MDGA2: variants seen among roughly 807,000 people sequenced by gnomAD.
MDGA2 encodes the protein MAM domain containing glycosylphosphatidylinositol anchor 2, also known as MAM domain-containing glycosylphosphatidylinositol anchor protein 2.
Under a neutral mutation model 117.8 loss-of-function variants are expected in MDGA2, and 40 were observed. That is an observed-to-expected ratio of 0.34 (90% CI 0.26 to 0.44). The LOEUF is 0.44. Among genes scored for constraint, MDGA2 ranks in the 20% least tolerant of loss-of-function variants. The probability of loss-of-function intolerance (pLI) is 1.00; values close to 1 mark genes in which losing one functional copy is unlikely to be tolerated. For missense variants in MDGA2, 1,123 were observed against 1,250.6 expected, an observed-to-expected ratio of 0.90 and a Z score of 1.54; for synonymous variants, 452 against 439.0, an observed-to-expected ratio of 1.03 and a Z score of -0.37.
At chr14:47,000,405 ATATT>A (rs1212993970) in intron 8 of MDGA2, among the ~76,000 whole-genome samples, 1 of 138,940 alleles carries the variant, frequency 7.2e-6, no homozygotes, top group Non-Finnish European at 1.5e-5. Context: ...ATATAAATAT[ATATT>A]TATATATATA....
At chr14:47,347,328 T>C (rs1048190570) in intron 1 of MDGA2, among the ~76,000 whole-genome samples, 1 of 152,148 alleles carries the variant, frequency 6.6e-6, no homozygotes, top group Non-Finnish European at 1.5e-5. Context: ...ATGCCCGTAT[T>C]TGAGAGTGGT....
chr14:47,537,814 A>G (rs1400535678), intron 1 of MDGA2, among the ~76,000 whole-genome samples: 1 of 152,020 alleles, frequency 6.6e-6, no homozygotes, highest in African/African-American at 2.4e-5. Context: ...CTGCATTTCA[A>G]AAGAACAAGA....
At chr14:47,333,705 T>A (rs1306038582) in intron 1 of MDGA2, among the ~76,000 whole-genome samples, 1 of 151,590 alleles carries the variant, frequency 6.6e-6, no homozygotes, top group South Asian at 2.1e-4. Context: ...TCAACCTTCA[T>A]ACTCACACAA....
At chr14:47,602,801 G>A (rs960738913) in intron 1 of MDGA2, among the ~76,000 whole-genome samples, 1 of 152,156 alleles carries the variant, frequency 6.6e-6, no homozygotes, top group Non-Finnish European at 1.5e-5. Context: ...CTCAAGGACT[G>A]TGAAATACGT....
intron 1 of MDGA2, among the ~76,000 whole-genome samples, chr14:47,322,922 C>G (rs1383625659): frequency 6.6e-6 from 1 of 151,944 alleles, no homozygotes; most frequent in South Asian, 2.1e-4. Context: ...ACCATATTCT[C>G]TTACACACAC....
At position 46,848,647 on chromosome 14, in the gene MDGA2, T is replaced by TA. The variant is rs71112463; in HGVS notation, c.2884-2777dup. On this transcript the variant is annotated intron_variant, in intron 15 of 16. Coordinates refer to ENST00000399232, the MANE Select transcript of MDGA2 (RefSeq NM_001113498.3). ...CAAAAGATTGGACCTAGGCTTGTGC[T>TA]AAAAAAAAAAAAAAAAGTCCCAGAG... is the stretch of plus-strand genomic sequence containing the variant. 9.2e-3 allele frequency among the ~76,000 whole-genome samples: 1,193 copies of TA among 129,708 alleles called. 8 individuals carry two copies. The highest frequency in any genetic ancestry group is 0.015 in the East Asian group (64 of 4,310). 85.1% of individuals were successfully genotyped at this position (129,708 alleles called of 152,430 possible).
chr14:46,978,116 CAAACA>C (rs1451834796), intron 8 of MDGA2, among the ~76,000 whole-genome samples: 4 of 151,446 alleles, frequency 2.6e-5, no homozygotes, highest in East Asian at 1.9e-4. Context: ...AACAAAACAA[CAAACA>C]AAACAAAACA....
chr14:46,932,012 A>G (rs182814478), intron 9 of MDGA2, among the ~76,000 whole-genome samples: 2 of 152,260 alleles, frequency 1.3e-5, no homozygotes, highest in Admixed American at 1.3e-4. Context: ...GTGTGTGTAC[A>G]TAACCCATAA....
chr14:47,131,381 T>C (rs778090627), intron 5 of MDGA2, among the ~76,000 whole-genome samples: 2 of 152,158 alleles, frequency 1.3e-5, no homozygotes, highest in South Asian at 4.1e-4. Context: ...ATTTAGCAAC[T>C]TCAATCACGA....
intron 1 of MDGA2, among the ~76,000 whole-genome samples, chr14:47,403,358 T>A (rs1256616104): frequency 6.6e-6 from 1 of 152,190 alleles, no homozygotes; most frequent in Non-Finnish European, 1.5e-5. Context: ...TTTTTCCTCT[T>A]GTCCATTCCT....
chr14:46,857,020 T>C (rs1006158008), intron 14 of MDGA2, among the ~76,000 whole-genome samples: 3 of 152,178 alleles, frequency 2.0e-5, no homozygotes, highest in African/African-American at 7.2e-5. Flanking sequence ...ACTCCACAAA[T>C]GTAACAACCT....
At chr14:47,558,655 T>G (rs1029765731) in intron 1 of MDGA2, among the ~76,000 whole-genome samples, 3 of 152,234 alleles carry the variant, frequency 2.0e-5, no homozygotes, top group African/African-American at 7.2e-5. Context: ...GTTTTCTGCC[T>G]TTTATGAAAT....
intron 8 of MDGA2, among the ~76,000 whole-genome samples, chr14:47,012,752 T>C (rs1295808932): frequency 6.6e-6 from 1 of 152,106 alleles, no homozygotes; most frequent in Admixed American, 6.6e-5. Context: ...AGAGTTGGCA[T>C]GTACAAGCAT....
At chr14:47,206,443 T>C (rs927974700) in intron 3 of MDGA2, among the ~76,000 whole-genome samples, 4 of 150,690 alleles carry the variant, frequency 2.7e-5, no homozygotes, top group African/African-American at 4.9e-5. Context: ...GAAAAAAAAA[T>C]AGCCTGGCAT....
chr14:47,615,008 T>A (rs1328036632), intron 1 of MDGA2, among the ~76,000 whole-genome samples: 1 of 152,174 alleles, frequency 6.6e-6, no homozygotes, highest in Non-Finnish European at 1.5e-5. Context: ...ATTGGTGGGC[T>A]TAGTAAGCAC....
chr14:47,606,049 G>A (rs1194801379), intron 1 of MDGA2, among the ~76,000 whole-genome samples: 1 of 152,072 alleles, frequency 6.6e-6, no homozygotes, highest in Non-Finnish European at 1.5e-5. Flanking sequence ...ATATTAATCT[G>A]ATACACTATT....
chr14:47,217,650 A>G (rs1359878235), intron 3 of MDGA2, among the ~76,000 whole-genome samples: 1 of 152,066 alleles, frequency 6.6e-6, no homozygotes, highest in Non-Finnish European at 1.5e-5. Flanking sequence ...AAAAATAAAC[A>G]TAAGTTAAAG....
At chr14:46,940,965 A>C (rs896048249) in intron 9 of MDGA2, among the ~76,000 whole-genome samples, 1 of 152,194 alleles carries the variant, frequency 6.6e-6, no homozygotes, top group Non-Finnish European at 1.5e-5. Context: ...AAAACATATA[A>C]CTTGAGTTAA....
At chr14:47,620,971 T>C (rs1555233) in intron 1 of MDGA2, among the ~76,000 whole-genome samples, 14,512 of 152,240 alleles carry the variant, frequency 0.095, 943 homozygotes, top group African/African-American at 0.17. Flanking sequence ...TGCTGAAAAT[T>C]AGATCCAGCC....
Sources: allele counts gnomAD v4.1 joint callset (sites outside exome capture counted in the v4.1 genomes callset), GRCh38; gene constraint gnomAD v4.1.1; transcripts MANE v1.5; gene names NCBI Gene and HGNC (gene_info 2026-07-23, HGNC 2026-07-21).